LNPK: variants seen among roughly 807,000 people sequenced by gnomAD.
LNPK encodes the protein lunapark, ER junction formation factor, also known as endoplasmic reticulum junction formation protein lunapark.
A neutral mutation model predicts 55.2 loss-of-function variants in LNPK; 29 were observed. The observed-to-expected ratio is 0.53, with a 90% CI of 0.39 to 0.72. The LOEUF (loss-of-function observed/expected upper bound fraction) is 0.72, where lower values mean the gene tolerates loss of function less well. Among genes scored for constraint, LNPK ranks in the 30% least tolerant of loss-of-function variants. The pLI is 0.00. For synonymous variants in LNPK, 162 were observed against 168.2 expected (o/e 0.96, Z 0.29); for missense variants, 467 against 494.8 (o/e 0.94, Z 0.53).
intron 8 of LNPK, among the ~76,000 whole-genome samples, chr2:175,960,565 T>C (rs1685967266): frequency 6.6e-6 from 1 of 152,142 alleles, no homozygotes; most frequent in Non-Finnish European, 1.5e-5. Flanking sequence ...AAGCAGCGTG[T>C]AGAGGGAAAT....
At chr2:175,981,025 ATG>A (rs771678961) in intron 4 of LNPK, among the ~76,000 whole-genome samples, 11 of 152,304 alleles carry the variant, frequency 7.2e-5, no homozygotes, top group Middle Eastern at 3.4e-3. Flanking sequence ...GAATATAAGT[ATG>A]AAAATTAGTT....
intron 6 of LNPK, among the ~76,000 whole-genome samples, chr2:175,968,294 C>A (rs555674699): frequency 1.4e-4 from 21 of 152,304 alleles, no homozygotes; most frequent in African/African-American, 5.1e-4. Context: ...CCCAATTTCT[C>A]AAGTGATTTT....
intron 12 of LNPK, among the ~76,000 whole-genome samples, chr2:175,936,306 T>A (rs1684543436): frequency 6.6e-6 from 1 of 152,024 alleles, no homozygotes. Flanking sequence ...CTCTTCAAAG[T>A]TAAAAAAAAA....
intron 5 of LNPK, among the ~76,000 whole-genome samples, chr2:175,977,918 G>A: frequency 9.3e-6 from 1 of 107,794 alleles, no homozygotes; most frequent in African/African-American, 3.3e-5. Context: ...ATGCAAAAGA[G>A]ATGATAACTA....
chr2:175,929,756 CA>C lies in LNPK; in HGVS notation c.*210del. The C allele has an allele frequency of 2.1e-6, 3 of 1,399,434 alleles. No homozygotes were observed. Among genetic ancestry groups the C allele is most frequent in the Non-Finnish European group, 2.8e-6 (3 of 1,081,196 alleles). The allele number at this position is 1,399,434 out of a possible 1,614,324, so 86.7% of individuals were successfully genotyped here. The stretch of plus-strand genomic sequence containing the variant: ...TCAATAGTGTGGGTCTTTGTACATT[CA>C]AAAGGATCTTACTTCACTGATATAA... On this transcript the variant is annotated 3_prime_UTR_variant, in exon 13 of 13. Transcript: ENST00000272748.
chr2:175,997,705 C>CTGTG (rs35147185), intron 1 of LNPK, among the ~76,000 whole-genome samples: 3,849 of 144,100 alleles, frequency 0.027, 73 homozygotes, highest in Middle Eastern at 0.035. Context: ...AACAAATGCT[C>CTGTG]TGTGTGTGTG....
chr2:175,932,117 C>G (rs924388573), intron 12 of LNPK: 1 of 451,168 alleles, frequency 2.2e-6, no homozygotes. Context: ...AAAACAGGCC[C>G]ACATAGTTTG....
chr2:175,953,972 T>A (rs1305441096), intron 8 of LNPK, among the ~76,000 whole-genome samples: 1 of 152,124 alleles, frequency 6.6e-6, no homozygotes, highest in African/African-American at 2.4e-5. Flanking sequence ...TATGGCAATA[T>A]TTGTAGTGCC....
At chr2:175,947,186 G>C (rs1225248481) in intron 9 of LNPK, among the ~76,000 whole-genome samples, 2 of 152,100 alleles carry the variant, frequency 1.3e-5, no homozygotes, top group Non-Finnish European at 2.9e-5. Flanking sequence ...GCATTCTAAA[G>C]TTGAATATAA....
intron 5 of LNPK, among the ~76,000 whole-genome samples, chr2:175,973,909 T>C (rs940219106): frequency 1.3e-5 from 2 of 152,236 alleles, no homozygotes; most frequent in Non-Finnish European, 2.9e-5. Context: ...ACATTTCTTC[T>C]GCTGCAGCAA....
At chr2:175,997,853 A>G (rs1199044701) in intron 1 of LNPK, among the ~76,000 whole-genome samples, 1 of 151,116 alleles carries the variant, frequency 6.6e-6, no homozygotes, top group Non-Finnish European at 1.5e-5. Context: ...CTCCCATCTC[A>G]GTCTCCAAAG....
chr2:175,975,053 G>C (rs1686848190), intron 5 of LNPK, among the ~76,000 whole-genome samples: 1 of 147,404 alleles, frequency 6.8e-6, no homozygotes, highest in South Asian at 2.1e-4. Context: ...CTTGGAGTCA[G>C]AAAGCATATT....
At chr2:175,940,974 G>A (rs572442099) in intron 9 of LNPK, 66 of 454,304 alleles carry the variant, frequency 1.5e-4, no homozygotes, top group East Asian at 2.1e-4. Flanking sequence ...ACAACCAGGC[G>A]CAGTAGCTCA....
At chr2:175,969,238 T>C (rs1023071481) in intron 6 of LNPK, among the ~76,000 whole-genome samples, 3 of 152,236 alleles carry the variant, frequency 2.0e-5, no homozygotes, top group African/African-American at 7.2e-5. Context: ...GAATTATTAA[T>C]ATTGATGCCT....
intron 2 of LNPK, among the ~76,000 whole-genome samples, chr2:175,995,110 C>T (rs1439348966): frequency 2.0e-5 from 3 of 151,488 alleles, no homozygotes; most frequent in Non-Finnish European, 4.4e-5. Context: ...TTAGTAGAGA[C>T]GGGGTTTCAC....
At chr2:175,947,347 T>G (rs1685183891) in intron 9 of LNPK, 133 bp downstream of exon 9, 1 of 679,306 alleles carries the variant, frequency 1.5e-6, no homozygotes, top group Non-Finnish European at 2.5e-6. Flanking sequence ...AATATGGAAC[T>G]CCTGCTTAAT....
intron 4 of LNPK, among the ~76,000 whole-genome samples, chr2:175,984,105 T>G (rs1481382136): frequency 6.6e-6 from 1 of 151,948 alleles, no homozygotes; most frequent in Non-Finnish European, 1.5e-5. Context: ...AAAGACCCTG[T>G]TGGGAGATGA....
At chr2:175,970,018 C>A (rs1686578179) in intron 6 of LNPK, among the ~76,000 whole-genome samples, 1 of 152,140 alleles carries the variant, frequency 6.6e-6, no homozygotes, top group Non-Finnish European at 1.5e-5. Flanking sequence ...TTGAATTGAT[C>A]ATTTGTACCT....
chr2:175,972,212 G>C (rs945056099), intron 5 of LNPK, among the ~76,000 whole-genome samples: 2 of 152,106 alleles, frequency 1.3e-5, no homozygotes, highest in East Asian at 3.8e-4. Context: ...ACTGAGCCCA[G>C]CCTAAGAAAT....
Sources: gnomAD v4.1 joint callset for allele counts (sites outside exome capture counted in the v4.1 genomes callset) on GRCh38, gnomAD v4.1.1 for gene constraint, MANE v1.5 for transcripts, NCBI Gene and HGNC (gene_info 2026-07-23, HGNC 2026-07-21) for gene names.